Variants in PCDH9 observed in about 807,000 individuals in gnomAD.
PCDH9 encodes protocadherin 9, also known as protocadherin-9.
Under a neutral mutation model 70.6 loss-of-function variants are expected in PCDH9, and 24 were observed. That is an observed-to-expected ratio of 0.34 (90% CI 0.25 to 0.48). The LOEUF is 0.48. Ranked by LOEUF, PCDH9 falls within the 20% of genes least tolerant of loss-of-function variation. The pLI is 0.99. For missense variants in PCDH9, 1,281 were observed against 1,503.6 expected (o/e 0.85, Z 2.45); for synonymous variants, 562 against 558.5 (o/e 1.01, Z -0.09).
At chr13:66,330,107 C>T (rs1290484496) in intron 4 of PCDH9, among the ~76,000 whole-genome samples, 1 of 152,182 alleles carries the variant, frequency 6.6e-6, no homozygotes, top group Non-Finnish European at 1.5e-5. Flanking sequence ...CATTGCACTC[C>T]ACCACTTCAT....
intron 2 of PCDH9, among the ~76,000 whole-genome samples, chr13:67,079,484 A>G (rs998069916): frequency 6.6e-6 from 1 of 152,140 alleles, no homozygotes; most frequent in Non-Finnish European, 1.5e-5. Context: ...AACCCTATAT[A>G]ATGTAGCTTA....
chr13:66,695,654 C>T (rs550475104), intron 3 of PCDH9, among the ~76,000 whole-genome samples: 2 of 152,250 alleles, frequency 1.3e-5, no homozygotes, highest in Admixed American at 6.5e-5. Flanking sequence ...TATAGCTTCT[C>T]TTTTCCTAAC....
intron 4 of PCDH9, among the ~76,000 whole-genome samples, chr13:66,371,811 T>G (rs1566276313): frequency 6.6e-6 from 1 of 152,176 alleles, no homozygotes; most frequent in East Asian, 1.9e-4. Context: ...ATTACTTACA[T>G]TTTTTCCTCA....
chr13:67,051,379 AAGATTTT>A (rs2085319287), intron 2 of PCDH9, among the ~76,000 whole-genome samples: 3 of 118,798 alleles, frequency 2.5e-5, no homozygotes, highest in Non-Finnish European at 1.8e-5. Context: ...AAAACAATAC[AAGATTTT>A]TTTTTTTTTT....
chr13:66,366,547 T>C (rs916980958), intron 4 of PCDH9, among the ~76,000 whole-genome samples: 1 of 152,044 alleles, frequency 6.6e-6, no homozygotes, highest in South Asian at 2.1e-4. Flanking sequence ...AATTGAACTA[T>C]GAGACTTTTT....
At chr13:66,956,829 TG>T (rs1723017934) in intron 2 of PCDH9, among the ~76,000 whole-genome samples, 1 of 152,158 alleles carries the variant, frequency 6.6e-6, no homozygotes, top group African/African-American at 2.4e-5. Flanking sequence ...CCATTGTTGC[TG>T]TTTCGCACTC....
At chr13:66,990,231 G>A (rs1171567566) in intron 2 of PCDH9, among the ~76,000 whole-genome samples, 2 of 151,700 alleles carry the variant, frequency 1.3e-5, no homozygotes, top group African/African-American at 4.8e-5. Flanking sequence ...GTGCTAAACA[G>A]AATAAAGTTC....
At chr13:66,918,635 A>C (rs189567798) in intron 2 of PCDH9, among the ~76,000 whole-genome samples, 63 of 151,316 alleles carry the variant, frequency 4.2e-4, no homozygotes, top group Non-Finnish European at 7.0e-4. Context: ...TTGTAAAAAA[A>C]TAGAGAAGTA....
intron 2 of PCDH9, among the ~76,000 whole-genome samples, chr13:67,092,216 C>A (rs1476690356): frequency 2.0e-5 from 3 of 152,040 alleles, no homozygotes; most frequent in East Asian, 1.9e-4. Flanking sequence ...TTCTTTATAT[C>A]TATATCGAGG....
intron 3 of PCDH9, among the ~76,000 whole-genome samples, chr13:66,822,057 T>C (rs1010663371): frequency 6.6e-6 from 1 of 152,044 alleles, no homozygotes; most frequent in Non-Finnish European, 1.5e-5. Context: ...CACATCAGCA[T>C]GATTCAGCTC....
At chr13:66,635,393 C>G (rs1446247183) in intron 3 of PCDH9, among the ~76,000 whole-genome samples, 1 of 152,104 alleles carries the variant, frequency 6.6e-6, no homozygotes, top group Non-Finnish European at 1.5e-5. Flanking sequence ...ACTTTATTTT[C>G]TGTCAGGACT....
intron 3 of PCDH9, among the ~76,000 whole-genome samples, chr13:66,815,790 C>T (rs995234305): frequency 3.3e-5 from 5 of 151,814 alleles, no homozygotes; most frequent in South Asian, 2.1e-4. Flanking sequence ...GGGTGAGGAT[C>T]GAAAAAAACT....
chr13:66,445,532 A>G (rs9571584), intron 4 of PCDH9, among the ~76,000 whole-genome samples: 2,202 of 137,890 alleles, frequency 0.016, 39 homozygotes, highest in African/African-American at 0.038. Context: ...ATATATACAC[A>G]TATATATTAT....
intron 3 of PCDH9, among the ~76,000 whole-genome samples, chr13:66,694,501 G>A (rs939863421): frequency 3.3e-5 from 5 of 152,046 alleles, no homozygotes; most frequent in Non-Finnish European, 7.4e-5. Flanking sequence ...TCACACAAAC[G>A]TACTAGTAGG....
At chr13:66,453,106 C>A (rs1300758998) in intron 4 of PCDH9, among the ~76,000 whole-genome samples, 1 of 152,050 alleles carries the variant, frequency 6.6e-6, no homozygotes, top group Non-Finnish European at 1.5e-5. Flanking sequence ...TGCTCCCAGG[C>A]AAGTTGCTAG....
intron 2 of PCDH9, among the ~76,000 whole-genome samples, chr13:67,179,636 T>C (rs545225557): frequency 3.3e-5 from 5 of 152,260 alleles, no homozygotes; most frequent in African/African-American, 1.2e-4. Context: ...TTTATGCCTG[T>C]CATACTCTAT....
At chr13:66,709,676 T>C (rs1282823662) in intron 3 of PCDH9, among the ~76,000 whole-genome samples, 1 of 152,142 alleles carries the variant, frequency 6.6e-6, no homozygotes, top group Admixed American at 6.5e-5. Context: ...CTTTGAACAA[T>C]AATTTTAAAA....
At chr13:66,845,925 C>T (rs2081200038) in intron 3 of PCDH9, among the ~76,000 whole-genome samples, 1 of 152,022 alleles carries the variant, frequency 6.6e-6, no homozygotes, top group Admixed American at 6.6e-5. Flanking sequence ...TAAACACACA[C>T]ATATGGGCCT....
chr13:66,989,012 G>A (rs1048832624), intron 2 of PCDH9, among the ~76,000 whole-genome samples: 12 of 151,890 alleles, frequency 7.9e-5, no homozygotes, highest in Admixed American at 3.9e-4. Flanking sequence ...CTCACATGCA[G>A]CAAACTTGTT....
Sources: gnomAD v4.1 joint callset for allele counts (sites outside exome capture counted in the v4.1 genomes callset) on GRCh38, gnomAD v4.1.1 for gene constraint, MANE v1.5 for transcripts, NCBI Gene and HGNC (gene_info 2026-07-23, HGNC 2026-07-21) for gene names.